RBKS: variants seen among roughly 807,000 people sequenced by gnomAD.
The protein encoded by RBKS is ribokinase.
A neutral mutation model predicts 33.9 loss-of-function variants in RBKS; 33 were observed. The observed-to-expected ratio is 0.97, with a 90% confidence interval of 0.74 to 1.30. The LOEUF is 1.30. Among genes scored for constraint, RBKS ranks in the 50% most tolerant of loss-of-function variants. RBKS has a pLI of 0.00. For synonymous variants in RBKS, 125 were observed against 143.0 expected (o/e 0.87, Z 0.90); for missense variants, 361 against 392.6 (o/e 0.92, Z 0.68).
intron 6 of RBKS, among the ~76,000 whole-genome samples, chr2:27,828,551 C>T (rs892116685): frequency 6.6e-6 from 1 of 152,172 alleles, no homozygotes; most frequent in Admixed American, 6.5e-5. Context: ...TGACAGGTAG[C>T]AGAAAACGCA....
intron 3 of RBKS, 120 bp from the exon 4 acceptor site, chr2:27,847,224 T>A (rs1490539263): frequency 5.2e-6 from 3 of 579,358 alleles, no homozygotes; most frequent in Admixed American, 5.6e-5. Context: ...CCATCTGGAA[T>A]GATAAAAAAA....
chr2:27,886,385 A>G (rs535739666), intron 1 of RBKS, among the ~76,000 whole-genome samples: 6 of 152,334 alleles, frequency 3.9e-5, no homozygotes, highest in African/African-American at 1.4e-4. Flanking sequence ...CAGGCTAGTT[A>G]CAGTTAAATT....
intron 7 of RBKS, among the ~76,000 whole-genome samples, chr2:27,821,388 T>G (rs900335245): frequency 3.3e-5 from 5 of 152,348 alleles, no homozygotes; most frequent in African/African-American, 1.2e-4. Flanking sequence ...TGTAATTTTT[T>G]GTTGTAATAT....
chr2:27,839,088 A>G (rs1399424538), intron 5 of RBKS, among the ~76,000 whole-genome samples: 2 of 152,202 alleles, frequency 1.3e-5, no homozygotes. Flanking sequence ...TGGGACACTC[A>G]AAATACTGGC....
intron 7 of RBKS, among the ~76,000 whole-genome samples, chr2:27,788,415 A>T (rs1415484076): frequency 6.6e-6 from 1 of 152,208 alleles, no homozygotes. Context: ...ACTATAAAAA[A>T]CCAACTGCAG....
intron 5 of RBKS, among the ~76,000 whole-genome samples, chr2:27,841,316 TC>T (rs1663499822): frequency 6.6e-6 from 1 of 152,070 alleles, no homozygotes; most frequent in Non-Finnish European, 1.5e-5. Flanking sequence ...GGAACAGTGA[TC>T]TCTGAGCAGT....
At chr2:27,882,066 A>G (rs556297296) in intron 1 of RBKS, among the ~76,000 whole-genome samples, 1 of 152,300 alleles carries the variant, frequency 6.6e-6, no homozygotes, top group Non-Finnish European at 1.5e-5. Context: ...TTGACAAATG[A>G]GATCTAATTA....
At chr2:27,857,139 T>C (rs1663873518) in intron 2 of RBKS, among the ~76,000 whole-genome samples, 1 of 152,210 alleles carries the variant, frequency 6.6e-6, no homozygotes, top group Non-Finnish European at 1.5e-5. Context: ...AAAACTCCTG[T>C]GGAGAGAAAA....
At chr2:27,784,692 A>G (rs1677365757) in intron 7 of RBKS, among the ~76,000 whole-genome samples, 1 of 152,194 alleles carries the variant, frequency 6.6e-6, no homozygotes, top group South Asian at 2.1e-4. Context: ...GTTAAGGAGA[A>G]TGACATTTCC....
Position 27,871,543 on chromosome 2 carries a change from A to AT in RBKS, c.90-12973dup, listed in dbSNP as rs944295687. ...TCAAAGAAGCTCTCCAGTGACGTTT[A>AT]TTTTTTACTAATTTGGCTAGGATTA... On this transcript the variant is annotated intron_variant, in intron 1 of 7. Coordinates refer to ENST00000302188, the MANE Select transcript of RBKS (RefSeq NM_022128.3). Among the ~76,000 whole-genome samples the AT allele has an allele frequency of 2.6e-4, 38 of 149,008 alleles. 1 individual carries two copies. Among genetic ancestry groups the AT allele is most frequent in the African/African-American group, 9.1e-4 (35 of 38,496 alleles).
At chr2:27,875,739 C>A (rs376929150) in intron 1 of RBKS, among the ~76,000 whole-genome samples, 3 of 152,194 alleles carry the variant, frequency 2.0e-5, no homozygotes, top group Admixed American at 2.0e-4. Flanking sequence ...TGTATCTCTA[C>A]GTAACAGAGT....
intron 5 of RBKS, among the ~76,000 whole-genome samples, chr2:27,841,967 AAG>A (rs1234896228): frequency 1.3e-5 from 2 of 152,252 alleles, no homozygotes; most frequent in East Asian, 3.9e-4. Context: ...AAGTGGATTG[AAG>A]AGGAAAAAAT....
chr2:27,869,778 T>C (rs185062976), intron 1 of RBKS: 106 of 167,960 alleles, frequency 6.3e-4, no homozygotes, highest in Non-Finnish European at 1.0e-3. Context: ...ATACCTGAAG[T>C]GTGTTGTTTA....
rs1273664906 is a variant in RBKS at position 27,868,287 on chromosome 2, CATT to C, written c.90-9719_90-9717del. On this transcript the variant is annotated intron_variant, in intron 1 of 7. Coordinates refer to ENST00000302188, the MANE Select transcript of RBKS (RefSeq NM_022128.3). The stretch of plus-strand genomic sequence containing the variant: ...TGGTGATCATATATAATCAAGAACT[CATT>C]ATGTTATTTTGAGCTTAACAATATA... Among the ~76,000 whole-genome samples, 4 of 152,152 alleles carry C rather than the reference CATT, an allele frequency of 2.6e-5. No individual in the cohort carries two copies. In the East Asian group the frequency reaches 7.7e-4, roughly 29 times the overall value.
At chr2:27,844,392 T>TA (rs200738087) in intron 4 of RBKS, among the ~76,000 whole-genome samples, 2 of 151,552 alleles carry the variant, frequency 1.3e-5, no homozygotes, top group Non-Finnish European at 2.9e-5. Context: ...TTTTAAAAAT[T>TA]AAAAAAAAAT....
chr2:27,846,812 T>C (rs897411552), intron 4 of RBKS, among the ~76,000 whole-genome samples: 3 of 152,208 alleles, frequency 2.0e-5, no homozygotes, highest in Non-Finnish European at 4.4e-5. Flanking sequence ...TTCATATATA[T>C]TGGATTGACA....
chr2:27,827,124 A>G (rs1440039442), intron 7 of RBKS, among the ~76,000 whole-genome samples: 1 of 152,256 alleles, frequency 6.6e-6, no homozygotes. Context: ...TGTTCATTTC[A>G]CTGGAGAAGC....
intron 7 of RBKS, among the ~76,000 whole-genome samples, chr2:27,792,755 T>C (rs1573033426): frequency 6.6e-6 from 1 of 152,200 alleles, no homozygotes; most frequent in African/African-American, 2.4e-5. Flanking sequence ...TCTCTGTGTC[T>C]AGTTTGGAAG....
At chr2:27,849,559 CAA>C (rs70953894) in intron 2 of RBKS, among the ~76,000 whole-genome samples, 2 of 28,592 alleles carry the variant, frequency 7.0e-5, no homozygotes, top group African/African-American at 1.0e-4. Flanking sequence ...GACTCTGTCT[CAA>C]AAAAAAAAAA....
Sources: allele counts gnomAD v4.1 joint callset (sites outside exome capture counted in the v4.1 genomes callset), GRCh38; gene constraint gnomAD v4.1.1; transcripts MANE v1.5; gene names NCBI Gene and HGNC (gene_info 2026-07-23, HGNC 2026-07-21).